Variants in ATP10B observed in about 807,000 individuals in gnomAD.
The protein encoded by ATP10B is ATPase phospholipid transporting 10B (putative).
Under a neutral mutation model 141.2 loss-of-function variants are expected in ATP10B, and 122 were observed. That is an observed-to-expected ratio of 0.86 (90% CI 0.75 to 1.00). ATP10B has a LOEUF of 1.00. Among genes scored for constraint, ATP10B ranks in the 50% least tolerant of loss-of-function variants. The pLI, the probability that ATP10B is intolerant of heterozygous loss-of-function variation, is 0.00. For missense variants in ATP10B, 1,876 were observed against 1,825.3 expected, an observed-to-expected ratio of 1.03 and a Z score of -0.51; for synonymous variants, 685 against 692.0, an observed-to-expected ratio of 0.99 and a Z score of 0.16.
chr5:160,565,426 T>G lies in ATP10B; in HGVS notation c.*27A>C. ...GGACCAGTGACTAGGTGGCCTCTGT[T>G]GAGTTTGTACAGATTTCTGCAGCTC... On this transcript the variant is annotated 3_prime_UTR_variant, in exon 26 of 26. Coordinates refer to ENST00000327245, the MANE Select transcript of ATP10B (RefSeq NM_025153.3). 16 of 1,607,360 alleles carry G rather than the reference T, an allele frequency of 1.0e-5. No homozygotes were observed. The highest frequency in any genetic ancestry group is 1.3e-5 in the Non-Finnish European group (15 of 1,175,378).
At chr5:160,867,639 A>T in the ATP10B span, among the ~76,000 whole-genome samples, 3 of 152,136 alleles carry the variant, frequency 2.0e-5, no homozygotes, top group Non-Finnish European at 2.9e-5. Flanking sequence ...AGGATAAATG[A>T]CCAATGTTAC....
At chr5:160,732,093 A>T (rs991556354) in intron 2 of ATP10B, among the ~76,000 whole-genome samples, 1 of 152,240 alleles carries the variant, frequency 6.6e-6, no homozygotes, top group Non-Finnish European at 1.5e-5. Context: ...AATTTAAAGG[A>T]AATATTATAA....
At chr5:160,662,824 C>T (rs1283094548) in intron 7 of ATP10B, among the ~76,000 whole-genome samples, 3 of 152,198 alleles carry the variant, frequency 2.0e-5, no homozygotes, top group Admixed American at 1.3e-4. Context: ...AGAGCTTCTG[C>T]ACAGCAAAAG....
At chr5:160,686,536 G>A (rs1763763825) in intron 5 of ATP10B, among the ~76,000 whole-genome samples, 1 of 152,120 alleles carries the variant, frequency 6.6e-6, no homozygotes, top group Non-Finnish European at 1.5e-5. Context: ...CATCACCCGA[G>A]CAGTATACTC....
the ATP10B span, among the ~76,000 whole-genome samples, chr5:160,890,289 T>C: frequency 1.3e-5 from 2 of 152,240 alleles, no homozygotes; most frequent in Admixed American, 6.5e-5. Flanking sequence ...TTTTTTGTAA[T>C]TGAAGCTAAA....
intron 7 of ATP10B, among the ~76,000 whole-genome samples, chr5:160,649,641 A>T (rs1325866103): frequency 6.6e-6 from 1 of 152,174 alleles, no homozygotes; most frequent in Non-Finnish European, 1.5e-5. Flanking sequence ...TTGACTAAGG[A>T]ATTGTTTTCT....
At chr5:160,727,039 A>G (rs1766415492) in intron 2 of ATP10B, among the ~76,000 whole-genome samples, 1 of 152,154 alleles carries the variant, frequency 6.6e-6, no homozygotes, top group South Asian at 2.1e-4. Flanking sequence ...TCTCCCAAAA[A>G]TGTATAAAAC....
the ATP10B span, among the ~76,000 whole-genome samples, chr5:160,885,188 A>C: frequency 2.0e-5 from 3 of 152,258 alleles, no homozygotes; most frequent in African/African-American, 7.2e-5. Flanking sequence ...GTGAATGAAT[A>C]AGTAAACAGA....
At chr5:160,873,308 T>A in the ATP10B span, among the ~76,000 whole-genome samples, 1 of 152,154 alleles carries the variant, frequency 6.6e-6, no homozygotes, top group Non-Finnish European at 1.5e-5. Flanking sequence ...ACGGTGAAAC[T>A]CAAAATTTCT....
At chr5:160,849,538 T>C (rs1425323899) in intron 1 of ATP10B, among the ~76,000 whole-genome samples, 2 of 152,014 alleles carry the variant, frequency 1.3e-5, no homozygotes, top group Admixed American at 6.6e-5. Flanking sequence ...ATTAATATTC[T>C]TTCTCATCTG....
chr5:160,586,875 G>A (rs1454926509), intron 24 of ATP10B, among the ~76,000 whole-genome samples: 1 of 152,186 alleles, frequency 6.6e-6, no homozygotes, highest in African/African-American at 2.4e-5. Flanking sequence ...CCCTTTGTCA[G>A]ATGGTTAGAT....
chr5:160,647,015 T>C (rs1760328852), intron 8 of ATP10B, among the ~76,000 whole-genome samples: 1 of 152,228 alleles, frequency 6.6e-6, no homozygotes, highest in Non-Finnish European at 1.5e-5. Context: ...AAAATGATTC[T>C]AGACATTGTC....
intron 24 of ATP10B, among the ~76,000 whole-genome samples, chr5:160,581,299 G>A (rs549027258): frequency 2.0e-5 from 3 of 152,064 alleles, no homozygotes; most frequent in East Asian, 1.9e-4. Context: ...TGCTATAAAC[G>A]TCCCTCTAAA....
chr5:160,644,084 G>C, intron 9 of ATP10B, 54 bp downstream of exon 9: 1 of 1,431,784 alleles, frequency 7.0e-7, no homozygotes, highest in Non-Finnish European at 9.9e-7. Context: ...AGATGGATTT[G>C]GAGGGGGAAG....
chr5:160,689,299 C>T (rs567189420), intron 3 of ATP10B, among the ~76,000 whole-genome samples: 3 of 152,300 alleles, frequency 2.0e-5, no homozygotes, highest in Admixed American at 6.5e-5. Flanking sequence ...TGGAAGCATT[C>T]CCTTTGGAAA....
At chr5:160,673,083 G>A (rs1762812731) in intron 6 of ATP10B, among the ~76,000 whole-genome samples, 1 of 152,222 alleles carries the variant, frequency 6.6e-6, no homozygotes, top group South Asian at 2.1e-4. Flanking sequence ...GGCTCTGGGA[G>A]CTCAGTGCAG....
chr5:160,711,816 G>A (rs1479691464), intron 3 of ATP10B, among the ~76,000 whole-genome samples: 1 of 44,804 alleles, frequency 2.2e-5, no homozygotes, highest in African/African-American at 9.0e-5. Flanking sequence ...AGAGTTTTTA[G>A]CATGAAGGGT....
At chr5:160,652,943 ATATAATATATTATATATACATG>A (rs1760964922) in intron 7 of ATP10B, among the ~76,000 whole-genome samples, 1 of 82,890 alleles carries the variant, frequency 1.2e-5, no homozygotes, top group South Asian at 3.4e-4. Context: ...ATACATGTAT[ATATAATATATTATATATACATG>A]TATATATAAT....
chr5:160,819,821 A>T (rs73305807), intron 1 of ATP10B, among the ~76,000 whole-genome samples: 2,771 of 152,260 alleles, frequency 0.018, 88 homozygotes, highest in African/African-American at 0.064. Flanking sequence ...ATCAAAAAAC[A>T]TATAATGGAT....
Sources: allele counts gnomAD v4.1 joint callset (sites outside exome capture counted in the v4.1 genomes callset), GRCh38; gene constraint gnomAD v4.1.1; transcripts MANE v1.5; gene names NCBI Gene and HGNC (gene_info 2026-07-23, HGNC 2026-07-21).